The following HS3ST2 variants were observed in gnomAD, a reference collection of about 807,000 sequenced individuals.
HS3ST2 encodes heparan sulfate glucosamine 3-O-sulfotransferase 2.
A neutral mutation model predicts 26.3 loss-of-function variants in HS3ST2; 17 were observed. That is an observed-to-expected ratio of 0.65 (90% CI 0.44 to 0.97). The LOEUF (loss-of-function observed/expected upper bound fraction) is 0.97, where lower values mean the gene tolerates loss of function less well. HS3ST2 is among the 50% of genes least tolerant of loss of function. The pLI is 0.00. For synonymous variants in HS3ST2, 237 were observed against 219.2 expected (o/e 1.08, Z -0.72); for missense variants, 402 against 501.2 (o/e 0.80, Z 1.89).
chr16:22,820,635 G>A (rs774544408), intron 1 of HS3ST2, among the ~76,000 whole-genome samples: 32 of 152,224 alleles, frequency 2.1e-4, no homozygotes, highest in Non-Finnish European at 3.8e-4. Context: ...AACAGTATGC[G>A]GGAAACCGCC....
chr16:22,877,158 G>A (rs138263350), intron 1 of HS3ST2, among the ~76,000 whole-genome samples: 159 of 152,268 alleles, frequency 1.0e-3, no homozygotes, highest in Middle Eastern at 3.4e-3. Flanking sequence ...TATATCACTG[G>A]TGAATGTGGC....
intron 1 of HS3ST2, among the ~76,000 whole-genome samples, chr16:22,859,264 T>G (rs557414853): frequency 1.3e-5 from 2 of 152,288 alleles, no homozygotes; most frequent in South Asian, 4.1e-4. Context: ...GACCAAAACC[T>G]TCACCTTAGC....
chr16:22,824,558 A>AAG (rs1567480105), intron 1 of HS3ST2, among the ~76,000 whole-genome samples: 5 of 107,356 alleles, frequency 4.7e-5, no homozygotes, highest in African/African-American at 8.7e-5. Flanking sequence ...AAGCAAGCAA[A>AAG]CAAACAAACA....
chr16:22,852,149 A>G (rs975347570), intron 1 of HS3ST2, among the ~76,000 whole-genome samples: 1 of 152,150 alleles, frequency 6.6e-6, no homozygotes, highest in Non-Finnish European at 1.5e-5. Context: ...CATCTAGTGG[A>G]TAGAGGTTAC....
chr16:22,845,289 A>G lies in HS3ST2; in HGVS notation c.485+30194A>G, dbSNP rs186209789. Among the ~76,000 whole-genome samples, 3 of 147,936 alleles carry G rather than the reference A, an allele frequency of 2.0e-5. 1 individual carries two copies. The highest frequency in any genetic ancestry group is 5.3e-5 in the African/African-American group (2 of 37,586). On this transcript the variant is annotated intron_variant, in intron 1 of 1. Transcript: ENST00000261374. ...TACTGTAGCATCATTCCAGCTGCCA[A>G]TGCTCTCATCACTTCTGCCATTCAG...
intron 1 of HS3ST2, among the ~76,000 whole-genome samples, chr16:22,824,546 A>G (rs1901053321): frequency 7.2e-6 from 1 of 138,994 alleles, no homozygotes; most frequent in Non-Finnish European, 1.6e-5. Flanking sequence ...GACTCCGCCA[A>G]AAAGCAAGCA....
intron 1 of HS3ST2, among the ~76,000 whole-genome samples, chr16:22,887,956 C>T (rs1434574320): frequency 6.6e-6 from 1 of 152,148 alleles, no homozygotes; most frequent in Admixed American, 6.5e-5. Flanking sequence ...GGAGCCAGCC[C>T]TCAGTGAATA....
In HS3ST2 at chr16:22,814,418, C is replaced by A; in HGVS notation, c.-193C>A. On this transcript the variant is annotated 5_prime_UTR_variant, in exon 1 of 2. Transcript: ENST00000261374. ...ATGCAACCGCCTGTTCCCCGAGGAGCCGCTGCCCCCGGGACCCCCTGGCAC... is the reference window on the plus strand; with the variant it reads ...ATGCAACCGCCTGTTCCCCGAGGAGACGCTGCCCCCGGGACCCCCTGGCAC... 1 of 491,230 alleles carries A rather than the reference C, an allele frequency of 2.0e-6. No individual in the cohort carries two copies. Among genetic ancestry groups the A allele is most frequent in the Non-Finnish European group, 3.5e-6 (1 of 288,340 alleles). The allele number at this position is 491,230 out of a possible 1,614,324, so 30.4% of individuals were successfully genotyped here. A position where few individuals can be genotyped will look rare whatever the true frequency, so the allele number is the denominator to read the frequency against.
intron 1 of HS3ST2, among the ~76,000 whole-genome samples, chr16:22,889,256 G>A (rs1031157500): frequency 6.6e-6 from 1 of 152,186 alleles, no homozygotes; most frequent in African/African-American, 2.4e-5. Flanking sequence ...AGACTTTGGT[G>A]ACAAATTTAC....
intron 1 of HS3ST2, among the ~76,000 whole-genome samples, chr16:22,849,428 C>CG (rs970216401): frequency 7.0e-4 from 106 of 151,906 alleles, no homozygotes; most frequent in African/African-American, 1.6e-3. Context: ...ATCTTTTTTG[C>CG]GGGGGGGTAT....
chr16:22,817,755 G>A (rs1217886733), intron 1 of HS3ST2, among the ~76,000 whole-genome samples: 1 of 152,182 alleles, frequency 6.6e-6, no homozygotes, highest in African/African-American at 2.4e-5. Context: ...TCCAAAGGGG[G>A]AGGTGCAGAG....
chr16:22,893,067 G>T (rs1419073223), intron 1 of HS3ST2, among the ~76,000 whole-genome samples: 1 of 152,178 alleles, frequency 6.6e-6, no homozygotes, highest in African/African-American at 2.4e-5. Context: ...TGTGTTAGGG[G>T]ACATCTTTGC....
intron 1 of HS3ST2, among the ~76,000 whole-genome samples, chr16:22,884,666 A>G (rs902782360): frequency 5.7e-5 from 8 of 140,178 alleles, no homozygotes; most frequent in African/African-American, 2.1e-4. Flanking sequence ...AAAAATATAT[A>G]TATATATATA....
intron 1 of HS3ST2, among the ~76,000 whole-genome samples, chr16:22,819,077 TCCCTCCCTCCCTTCCTCCCTCCCTC>T (rs1567478611): frequency 1.3e-4 from 1 of 7,886 alleles, no homozygotes; most frequent in African/African-American, 1.3e-3. Context: ...CTTCCTTCCC[TCCCTCCCTCCCTTCCTCCCTCCCTC>T]CCTTCCTTCC....
intron 1 of HS3ST2, among the ~76,000 whole-genome samples, chr16:22,902,721 A>AT (rs374615562): frequency 3.3e-5 from 5 of 151,804 alleles, no homozygotes; most frequent in African/African-American, 9.7e-5. Flanking sequence ...AATTAAAAAA[A>AT]TTTTTTTTCC....
In HS3ST2 at chr16:22,908,286, C is replaced by T. The variant is rs1034122865; in HGVS notation, c.486-6658C>T. 6.6e-5 allele frequency among the ~76,000 whole-genome samples: 10 copies of T among 151,964 alleles called. No individual in the cohort carries two copies. In the East Asian group the frequency reaches 1.7e-3, roughly 26 times the overall value. ...GGCTTCATTTAAACTTCAAAGATAC[C>T]GATAAAGATCTTACTTGTGCCATGG... On this transcript the variant is annotated intron_variant, in intron 1 of 1. Transcript: ENST00000261374.
chr16:22,850,619 T>A (rs1449859488), intron 1 of HS3ST2, among the ~76,000 whole-genome samples: 1 of 152,060 alleles, frequency 6.6e-6, no homozygotes, highest in African/African-American at 2.4e-5. Flanking sequence ...AAACCCCGTC[T>A]CTACTAAAAA....
intron 1 of HS3ST2, among the ~76,000 whole-genome samples, chr16:22,891,468 T>G: frequency 8.1e-6 from 1 of 122,798 alleles, no homozygotes; most frequent in East Asian, 2.4e-4. Context: ...CCTTGTACGA[T>G]CTTCATTTGA....
At chr16:22,883,007 G>A (rs1452394087) in intron 1 of HS3ST2, among the ~76,000 whole-genome samples, 1 of 150,904 alleles carries the variant, frequency 6.6e-6, no homozygotes, top group East Asian at 1.9e-4. Context: ...CTCTGGCCTG[G>A]CAACAGAGTG....
Sources: allele counts gnomAD v4.1 joint callset (sites outside exome capture counted in the v4.1 genomes callset), GRCh38; gene constraint gnomAD v4.1.1; transcripts MANE v1.5; gene names NCBI Gene and HGNC (gene_info 2026-07-23, HGNC 2026-07-21).